The following ALDH1A3 variants were observed in gnomAD, a reference collection of about 807,000 sequenced individuals.
The protein encoded by ALDH1A3 is aldehyde dehydrogenase 1 family member A3.
In ALDH1A3, 28 loss-of-function variants were observed where a neutral mutation model predicts 57.5. That is an observed-to-expected ratio of 0.49 (90% CI 0.36 to 0.67). The LOEUF (loss-of-function observed/expected upper bound fraction) is 0.67, where lower values mean the gene tolerates loss of function less well. Among genes scored for constraint, ALDH1A3 ranks in the 30% least tolerant of loss-of-function variants. The pLI is 0.00. For synonymous variants in ALDH1A3, 281 were observed against 264.8 expected (o/e 1.06, Z -0.59); for missense variants, 507 against 669.4 (o/e 0.76, Z 2.68).
At chr15:100,911,593 G>A (rs949273157) in intron 12 of ALDH1A3, among the ~76,000 whole-genome samples, 2 of 152,230 alleles carry the variant, frequency 1.3e-5, no homozygotes, top group African/African-American at 4.8e-5. Context: ...ATACTGCAGT[G>A]AACAACACAG....
chr15:100,908,322 C>T (rs2041846397), intron 11 of ALDH1A3, 86 bp from the exon 12 acceptor site: 3 of 1,119,272 alleles, frequency 2.7e-6, no homozygotes, highest in South Asian at 1.3e-5. Flanking sequence ...TAGACAATGC[C>T]CTGCACTGGG....
At chr15:100,880,526 C>A (rs2141542575) in intron 1 of ALDH1A3, 1 of 281,188 alleles carries the variant, frequency 3.6e-6, no homozygotes, top group Non-Finnish European at 6.6e-6. Flanking sequence ...CAAAGCGCAG[C>A]GGGCGCCTTC....
Position 100,915,544 on chromosome 15 carries a change from G to C in ALDH1A3, c.*771G>C, listed in dbSNP as rs1397402650. The stretch of plus-strand genomic sequence containing the variant: ...AGAAAATATTGTTGAGGTTACCTTT[G>C]CTGCTAAAGATCCAATCTTCTAACG... On this transcript the variant is annotated 3_prime_UTR_variant, in exon 13 of 13. Transcript: ENST00000329841. 1 of 152,212 alleles carries C rather than the reference G, an allele frequency of 6.6e-6. No individual in the cohort carries two copies. Among genetic ancestry groups the C allele is most frequent in the Non-Finnish European group, 1.5e-5 (1 of 68,032 alleles). 9.4% of individuals were successfully genotyped at this position (152,212 alleles called of 1,614,324 possible). A position where few individuals can be genotyped will look rare whatever the true frequency, so the allele number is the denominator to read the frequency against.
rs558892338 is a variant in ALDH1A3 at position 100,884,565 on chromosome 15, G to GGTTT, written c.100-702_100-701insGTTT. On this transcript the variant is annotated intron_variant, in intron 1 of 12. Transcript: ENST00000329841. ...TATCAAGCTTCGGAGGTTTTTCTGG[G>GGTTT]TTTTTTTTTTTTTTTGACATTTTAT... 1.3e-4 allele frequency among the ~76,000 whole-genome samples: 18 copies of GGTTT among 139,940 alleles called. No homozygotes were observed. In the East Asian group the frequency reaches 3.5e-3, roughly 28 times the overall value. 91.8% of individuals were successfully genotyped at this position (139,940 alleles called of 152,430 possible). A position where few individuals can be genotyped will look rare whatever the true frequency, so the allele number is the denominator to read the frequency against.
At chr15:100,886,231 C>T (rs1187627692) in intron 2 of ALDH1A3, among the ~76,000 whole-genome samples, 1 of 152,206 alleles carries the variant, frequency 6.6e-6, no homozygotes, top group Non-Finnish European at 1.5e-5. Context: ...CTGTGTGGCA[C>T]CTCATGACAG....
At chr15:100,891,476 G>A (rs2041648932) in intron 3 of ALDH1A3, among the ~76,000 whole-genome samples, 1 of 152,256 alleles carries the variant, frequency 6.6e-6, no homozygotes, top group African/African-American at 2.4e-5. Context: ...CTGGCCAGAA[G>A]TAGATGCCCC....
chr15:100,884,857 G>A (rs2041580217), intron 1 of ALDH1A3, among the ~76,000 whole-genome samples: 1 of 152,074 alleles, frequency 6.6e-6, no homozygotes, highest in African/African-American at 2.4e-5. Context: ...AGGGGCAGGC[G>A]GACTGCTTGG....
At chr15:100,885,782 A>G (rs981537164) in intron 2 of ALDH1A3, among the ~76,000 whole-genome samples, 2 of 151,998 alleles carry the variant, frequency 1.3e-5, no homozygotes, top group Non-Finnish European at 2.9e-5. Context: ...AAAAAAATAG[A>G]CACTTTGAAG....
chr15:100,904,615 G>A (rs374881155), intron 9 of ALDH1A3, among the ~76,000 whole-genome samples: 1 of 152,208 alleles, frequency 6.6e-6, no homozygotes, highest in Non-Finnish European at 1.5e-5. Flanking sequence ...TAAAGGACAA[G>A]ATTCCCATAG....
chr15:100,915,225 C>T lies in ALDH1A3; in HGVS notation c.*452C>T, dbSNP rs3803425. Reference sequence around the variant, plus strand: ...GTGGACCTGCTTACAGAGCAAGCCACGCCTCTTTCCGAGGTGAAGGTGGGA... The same window carrying T: ...GTGGACCTGCTTACAGAGCAAGCCATGCCTCTTTCCGAGGTGAAGGTGGGA... On this transcript the variant is annotated 3_prime_UTR_variant, in exon 13 of 13. Transcript: ENST00000329841. 1,136 of 155,506 alleles carry T rather than the reference C, an allele frequency of 7.3e-3. 24 individuals are homozygous for T. Among genetic ancestry groups the T allele is most frequent in the African/African-American group, 0.026 (1,080 of 41,698 alleles). The allele number at this position is 155,506 out of a possible 1,614,324, so 9.6% of individuals were successfully genotyped here.
chr15:100,888,205 T>A (rs1318029937), intron 3 of ALDH1A3, among the ~76,000 whole-genome samples: 3 of 152,106 alleles, frequency 2.0e-5, no homozygotes, highest in Non-Finnish European at 4.4e-5. Flanking sequence ...TTAAAATGAT[T>A]CTCTTGCCTC....
In ALDH1A3 at chr15:100,908,392, T is replaced by C. The variant is rs745736697; in HGVS notation, c.1392-16T>C. ...CTTCTCCAGATGACTCTGAGCTTTC[T>C]TCCATTCTTTTCTAGGATCAACTGC... On this transcript the variant is annotated splice_polypyrimidine_tract_variant and intron_variant, in intron 11 of 12. Transcript: ENST00000329841. The C allele has an allele frequency of 2.5e-6, 4 of 1,611,612 alleles. No individual in the cohort carries two copies. In the Admixed American group the frequency reaches 5.0e-5, roughly 20 times the overall value.
At chr15:100,881,764 C>T (rs1224446523) in intron 1 of ALDH1A3, among the ~76,000 whole-genome samples, 3 of 152,046 alleles carry the variant, frequency 2.0e-5, no homozygotes, top group African/African-American at 7.3e-5. Context: ...GTCTCCCAGG[C>T]GATAAAGGCC....
intron 1 of ALDH1A3, chr15:100,880,438 T>A (rs974096899): frequency 2.8e-6 from 1 of 360,882 alleles, no homozygotes; most frequent in African/African-American, 2.1e-5. Flanking sequence ...GGTCGGAGGG[T>A]CCGAGAGCGC....
rs1479357744 is a variant in ALDH1A3, at chr15:100,909,217, C to T, written c.1466+735C>T. Reference sequence around the variant, plus strand: ...GTGTAAACCCACTGCAAACCCTCCACGTGTGCATGTAAACCCACTGCAAAC... The same window carrying T: ...GTGTAAACCCACTGCAAACCCTCCATGTGTGCATGTAAACCCACTGCAAAC... On this transcript the variant is annotated intron_variant, in intron 12 of 12. Coordinates refer to ENST00000329841, the MANE Select transcript of ALDH1A3 (RefSeq NM_000693.4). Among the ~76,000 whole-genome samples the T allele has an allele frequency of 3.5e-5, 3 of 84,618 alleles. 1 individual carries two copies. Among genetic ancestry groups the T allele is most frequent in the Non-Finnish European group, 4.8e-5 (2 of 41,880 alleles). The allele number at this position is 84,618 out of a possible 152,430, so 55.5% of individuals were successfully genotyped here. A position where few individuals can be genotyped will look rare whatever the true frequency, so the allele number is the denominator to read the frequency against.
At chr15:100,891,311 G>T (rs1232985737) in intron 3 of ALDH1A3, among the ~76,000 whole-genome samples, 2 of 152,226 alleles carry the variant, frequency 1.3e-5, no homozygotes, top group Non-Finnish European at 2.9e-5. Context: ...TACTTAACTA[G>T]GGTTCAGCAG....
At position 100,894,119 on chromosome 15, in the gene ALDH1A3, G is replaced by A. The variant is rs1350350464; in HGVS notation, c.666+37G>A. The A allele has an allele frequency of 2.5e-6, 4 of 1,609,090 alleles. No individual in the cohort carries two copies. The highest frequency in any genetic ancestry group is 1.1e-5 in the South Asian group (1 of 90,270). On this transcript the variant is annotated intron_variant, in intron 6 of 12. Transcript: ENST00000329841. This position sits in a 1 kb window ranked among gnomAD's most constrained non-coding sequence, Gnocchi z 4.5. ...AAAAAGAAAATATCACATGTTCTTG[G>A]TAACATTCCCACTCCTAGGAACCAG...
In ALDH1A3 at chr15:100,915,530, T is replaced by C. The variant is rs560238223; in HGVS notation, c.*757T>C. On this transcript the variant is annotated 3_prime_UTR_variant, in exon 13 of 13. Transcript: ENST00000329841. ...GCACTTTCTTAAGCAGAAAATATTG[T>C]TGAGGTTACCTTTGCTGCTAAAGAT... 1 of 152,356 alleles carries C rather than the reference T, an allele frequency of 6.6e-6. No homozygotes were observed. Among genetic ancestry groups the C allele is most frequent in the South Asian group, 2.1e-4 (1 of 4,830 alleles). 9.4% of individuals were successfully genotyped at this position (152,356 alleles called of 1,614,324 possible).
chr15:100,899,846 C>G (rs1041284634), intron 8 of ALDH1A3, among the ~76,000 whole-genome samples: 23 of 152,238 alleles, frequency 1.5e-4, no homozygotes, highest in African/African-American at 5.5e-4. Context: ...GGATCACCTT[C>G]CAATGCCCAG....
Sources: allele counts gnomAD v4.1 joint callset (sites outside exome capture counted in the v4.1 genomes callset), GRCh38; gene constraint gnomAD v4.1.1; non-coding constraint Gnocchi (gnomAD v3.1); transcripts MANE v1.5; gene names NCBI Gene and HGNC (gene_info 2026-07-23, HGNC 2026-07-21).